The following PIK3CB variants were observed in gnomAD, a reference collection of about 807,000 sequenced individuals.
PIK3CB encodes phosphatidylinositol 4,5-bisphosphate 3-kinase catalytic subunit beta isoform.
PIK3CB carries 39 observed loss-of-function variants against 136.8 expected under a neutral mutation model. The observed-to-expected ratio is 0.29, with a 90% CI of 0.22 to 0.37. The LOEUF (loss-of-function observed/expected upper bound fraction) is 0.37, where lower values mean the gene tolerates loss of function less well. Among genes scored for constraint, PIK3CB ranks in the 10% least tolerant of loss-of-function variants. The pLI is 1.00. For missense variants in PIK3CB, 868 were observed against 1,275.4 expected (o/e 0.68, Z 4.87); for synonymous variants, 428 against 436.6 (o/e 0.98, Z 0.25).
intron 1 of PIK3CB, among the ~76,000 whole-genome samples, chr3:138,804,913 T>C (rs1394033825): frequency 5.3e-5 from 8 of 152,030 alleles, no homozygotes; most frequent in Non-Finnish European, 1.2e-4. Context: ...TAGTCCCAGC[T>C]ACTCGGAAAG....
At position 138,764,448 on chromosome 3, in the gene PIK3CB, T is replaced by A. The variant is rs551043182; in HGVS notation, c.-16-5089A>T. On this transcript the variant is annotated intron_variant, in intron 2 of 23. Transcript: ENST00000674063. The stretch of plus-strand genomic sequence containing the variant: ...GCCTGGGCAAGAGTGAGACTATGTC[T>A]CAAAAAGTAAAATAAAAAATAAAAT... 5.3e-5 allele frequency among the ~76,000 whole-genome samples: 8 copies of A among 151,576 alleles called. No individual in the cohort carries two copies. The South Asian group carries it at 1.7e-3, about 32-fold the overall frequency.
chr3:138,738,431 A>G (rs1416182508), intron 5 of PIK3CB, among the ~76,000 whole-genome samples: 1 of 152,148 alleles, frequency 6.6e-6, no homozygotes, highest in African/African-American at 2.4e-5. Flanking sequence ...TCAGCCTCCC[A>G]AAGTGCTGGG....
Position 138,742,663 on chromosome 3 carries a change from T to A in PIK3CB, c.516A>T (p.Leu172=). The part of the protein sequence containing the change: ...SLVGLSWMDW[L]KQTYPPEHEP... ...CATGCTCTGGTGGATATGTTTGTTT[T>A]AGCCAGTCCATCCAAGACAATCCCA... Residue 172 remains leucine (L), a synonymous_variant, in exon 5 of 24, where the codon CTA becomes CTT. Transcript: ENST00000674063. The A allele has an allele frequency of 6.2e-7, 1 of 1,611,688 alleles. No individual in the cohort carries two copies. Among genetic ancestry groups the A allele is most frequent in the East Asian group, 2.2e-5 (1 of 44,860 alleles).
chr3:138,803,516 A>G (rs763612874), intron 1 of PIK3CB, among the ~76,000 whole-genome samples: 22 of 152,226 alleles, frequency 1.4e-4, no homozygotes, highest in Non-Finnish European at 3.1e-4. Flanking sequence ...ACACGTGGCC[A>G]GTACCTTGAT....
intron 5 of PIK3CB, 78 bp from the exon 6 acceptor site, chr3:138,737,964 A>G: frequency 1.2e-6 from 1 of 844,730 alleles, no homozygotes; most frequent in African/African-American, 1.7e-5. Context: ...ATCATTATGT[A>G]ATAATATGTA....
At chr3:138,834,654 C>A in intron 1 of PIK3CB, 41 bp downstream of exon 1, 1 of 154,452 alleles carries the variant, frequency 6.5e-6, no homozygotes, top group South Asian at 2.0e-4. Context: ...CCCAGCCGCC[C>A]CTCAGCCGCG....
intron 12 of PIK3CB, among the ~76,000 whole-genome samples, chr3:138,699,800 C>A (rs1464026597): frequency 6.6e-6 from 1 of 152,060 alleles, no homozygotes; most frequent in African/African-American, 2.4e-5. Flanking sequence ...CAAATATATA[C>A]TGTCTAGCTC....
chr3:138,755,979 T>C lies in PIK3CB; in HGVS notation c.172A>G (p.Met58Val), dbSNP rs748775308. 1.5e-5 allele frequency: 23 copies of C among 1,545,236 alleles called. No homozygotes were observed. Among genetic ancestry groups the C allele is most frequent in the Non-Finnish European group, 1.7e-5 (19 of 1,125,188 alleles). ...TAATTGTGAACTTGCTTCCATAACA[T>C]CTATGAGAAAAAATAAGACATTTTC... ...REATISYIKQ[M>V]LWKQVHNYPM... Residue 58 changes from methionine (M) to valine (V), a missense_variant and splice_region_variant, in exon 4 of 24, where the codon ATG becomes GTG. Met to Val is a conservative substitution (Grantham distance 21). This residue lies in a region of PIK3CB where 612 missense variants were observed against 801.1 expected (regional missense o/e 0.76). Coordinates refer to ENST00000674063, the MANE Select transcript of PIK3CB (RefSeq NM_006219.3).
intron 1 of PIK3CB, among the ~76,000 whole-genome samples, chr3:138,799,889 G>A (rs934572187): frequency 3.3e-5 from 5 of 152,026 alleles, no homozygotes; most frequent in Non-Finnish European, 5.9e-5. Context: ...ATGTTGCCCA[G>A]GCTGGTCTCG....
intron 8 of PIK3CB, 25 bp from the exon 9 acceptor site, chr3:138,714,744 A>G (rs527839564): frequency 6.4e-7 from 1 of 1,562,552 alleles, no homozygotes; most frequent in South Asian, 1.2e-5. Context: ...ACAAAAACAA[A>G]AACAAAGTCA....
At chr3:138,675,264 T>A (rs2043620877) in intron 19 of PIK3CB, among the ~76,000 whole-genome samples, 1 of 151,730 alleles carries the variant, frequency 6.6e-6, no homozygotes. Flanking sequence ...AATTATCCAA[T>A]CAGAGAAACA....
At chr3:138,744,124 G>C (rs2045297553) in intron 4 of PIK3CB, among the ~76,000 whole-genome samples, 1 of 152,024 alleles carries the variant, frequency 6.6e-6, no homozygotes, top group Non-Finnish European at 1.5e-5. Context: ...GGGCGCAGTG[G>C]CTCACGCCTG....
chr3:138,710,080 T>C (rs569965885), intron 10 of PIK3CB, among the ~76,000 whole-genome samples: 24 of 149,882 alleles, frequency 1.6e-4, no homozygotes, highest in Middle Eastern at 3.6e-3. Flanking sequence ...TACCAGCTAC[T>C]TGGGGGGCTG....
At chr3:138,696,393 T>C (rs963243639) in intron 13 of PIK3CB, among the ~76,000 whole-genome samples, 2 of 152,100 alleles carry the variant, frequency 1.3e-5, no homozygotes, top group South Asian at 2.1e-4. Flanking sequence ...GGTCTCGCTA[T>C]GTTGCTGGTC....
At chr3:138,807,958 T>C (rs1223118924) in intron 1 of PIK3CB, among the ~76,000 whole-genome samples, 2 of 151,994 alleles carry the variant, frequency 1.3e-5, no homozygotes, top group East Asian at 3.9e-4. Context: ...CACACTGACC[T>C]TGATCTCCTC....
Position 138,787,320 on chromosome 3 carries a change from C to T in PIK3CB, c.-17+9143G>A, listed in dbSNP as rs142534646. Among the ~76,000 whole-genome samples, 401 of 149,558 alleles carry T rather than the reference C, an allele frequency of 2.7e-3. 1 individual carries two copies. Among genetic ancestry groups the T allele is most frequent in the African/African-American group, 9.5e-3 (387 of 40,550 alleles). ...GGCAGATGCTCCAGTGAGCCGAGAT[C>T]GCACCACCGCACTCCAGCCTGGGCG... On this transcript the variant is annotated intron_variant, in intron 2 of 23. Coordinates refer to ENST00000674063, the MANE Select transcript of PIK3CB (RefSeq NM_006219.3).
At chr3:138,790,502 AT>A (rs926121090) in intron 2 of PIK3CB, among the ~76,000 whole-genome samples, 48 of 147,366 alleles carry the variant, frequency 3.3e-4, no homozygotes, top group African/African-American at 6.9e-4. Flanking sequence ...TATTTCACCA[AT>A]TTTTTTTTTT....
At chr3:138,710,311 A>G (rs1186428855) in intron 10 of PIK3CB, among the ~76,000 whole-genome samples, 3 of 152,208 alleles carry the variant, frequency 2.0e-5, no homozygotes, top group Non-Finnish European at 2.9e-5. Context: ...GGACACACAC[A>G]CACACACTAT....
chr3:138,790,788 T>C (rs542451606), intron 2 of PIK3CB, among the ~76,000 whole-genome samples: 1 of 144,512 alleles, frequency 6.9e-6, no homozygotes, highest in East Asian at 2.0e-4. Flanking sequence ...TACTCCAGCC[T>C]AGGTGACGGA....
Sources: allele counts gnomAD v4.1 joint callset (sites outside exome capture counted in the v4.1 genomes callset), GRCh38; gene constraint gnomAD v4.1.1; regional missense constraint gnomAD v4.1.1; transcripts MANE v1.5; gene names NCBI Gene and HGNC (gene_info 2026-07-23, HGNC 2026-07-21).